COL21A1: variants seen among roughly 807,000 people sequenced by gnomAD.
COL21A1 encodes the protein collagen type XXI alpha 1 chain.
A neutral mutation model predicts 137.9 loss-of-function variants in COL21A1; 149 were observed. The ratio of observed to expected loss-of-function variants is 1.08; its 90% confidence interval spans 0.95 to 1.24. The LOEUF (loss-of-function observed/expected upper bound fraction) is 1.24. Among genes scored for constraint, COL21A1 ranks in the 50% most tolerant of loss-of-function variants. COL21A1 has a pLI of 0.00. For missense variants in COL21A1, 1,167 were observed against 1,158.4 expected (o/e 1.01, Z -0.11); for synonymous variants, 456 against 391.5 (o/e 1.16, Z -1.95).
At chr6:56,241,211 C>G (rs1221200116) in intron 1 of COL21A1, among the ~76,000 whole-genome samples, 1 of 152,206 alleles carries the variant, frequency 6.6e-6, no homozygotes, top group Non-Finnish European at 1.5e-5. Flanking sequence ...CTGGTGCCCT[C>G]AGGACTGGTA....
chr6:56,262,165 T>C (rs536328905), intron 1 of COL21A1, among the ~76,000 whole-genome samples: 5 of 152,314 alleles, frequency 3.3e-5, no homozygotes, highest in African/African-American at 1.2e-4. Context: ...ATAGTCACCA[T>C]AAATGTGTCC....
At chr6:56,145,734 C>T (rs928016392) in intron 10 of COL21A1, among the ~76,000 whole-genome samples, 1 of 152,054 alleles carries the variant, frequency 6.6e-6, no homozygotes, top group Non-Finnish European at 1.5e-5. Context: ...TACTGTTCAA[C>T]ATGAATTTTG....
intron 10 of COL21A1, among the ~76,000 whole-genome samples, chr6:56,150,514 T>TCTCACACACACACACA (rs1186958042): frequency 2.2e-5 from 1 of 46,186 alleles, no homozygotes; most frequent in African/African-American, 2.7e-4. Context: ...CGAGACTCCA[T>TCTCACACACACACACA]CACACACACA....
At chr6:56,118,300 G>A (rs1265984587) in intron 16 of COL21A1, among the ~76,000 whole-genome samples, 2 of 151,698 alleles carry the variant, frequency 1.3e-5, no homozygotes, top group African/African-American at 4.8e-5. Context: ...GCTACTATGA[G>A]CAACTATATG....
At chr6:56,340,056 GA>G (rs5876502) in intron 1 of COL21A1, among the ~76,000 whole-genome samples, 100,446 of 151,810 alleles carry the variant, frequency 0.66, 33,428 homozygotes, top group South Asian at 0.81. Flanking sequence ...CCCCAGAGAG[GA>G]AAAAAAACGC....
rs141873599 is a variant in COL21A1, at chr6:56,203,604, G to A, written c.-38-20948C>T. Among the ~76,000 whole-genome samples the A allele has an allele frequency of 1.1e-4, 16 of 152,328 alleles. No homozygotes were observed. The East Asian group carries it at 1.4e-3, about 13-fold the overall frequency. On this transcript the variant is annotated intron_variant, in intron 1 of 29. Transcript: ENST00000244728. ...CAAAATCTACTGGGATTAGATCAACGGGACCCAAGAGCCAATTTGAAAGGC... is the reference window on the plus strand; with the variant it reads ...CAAAATCTACTGGGATTAGATCAACAGGACCCAAGAGCCAATTTGAAAGGC...
At chr6:56,182,677 AG>A (rs1275485060) in intron 1 of COL21A1, 21 bp from the exon 2 acceptor site, 2 of 1,058,940 alleles carry the variant, frequency 1.9e-6, no homozygotes, top group Admixed American at 2.2e-5. Flanking sequence ...AAAAAAGGCA[AG>A]TTAAATATAT....
intron 17 of COL21A1, among the ~76,000 whole-genome samples, chr6:56,078,608 T>C (rs1767447950): frequency 6.6e-6 from 1 of 151,662 alleles, no homozygotes; most frequent in African/African-American, 2.4e-5. Flanking sequence ...TGCCATTATC[T>C]TTATTTTCAC....
intron 7 of COL21A1, among the ~76,000 whole-genome samples, chr6:56,165,105 A>T (rs1776474344): frequency 6.6e-6 from 1 of 152,172 alleles, no homozygotes; most frequent in African/African-American, 2.4e-5. Flanking sequence ...ATGCAAGATT[A>T]AAAAATACCT....
At chr6:56,080,997 T>C (rs551480564) in intron 17 of COL21A1, among the ~76,000 whole-genome samples, 10 of 151,958 alleles carry the variant, frequency 6.6e-5, no homozygotes, top group Admixed American at 5.9e-4. Context: ...TTATTTAAAC[T>C]GTAAAATCTC....
intron 1 of COL21A1, among the ~76,000 whole-genome samples, chr6:56,285,342 C>T (rs1187970264): frequency 6.6e-6 from 1 of 152,116 alleles, no homozygotes; most frequent in African/African-American, 2.4e-5. Flanking sequence ...AATCAGTTAG[C>T]AAATGTGATA....
chr6:56,278,417 C>A (rs750634852), intron 1 of COL21A1, among the ~76,000 whole-genome samples: 2 of 152,008 alleles, frequency 1.3e-5, no homozygotes, highest in Non-Finnish European at 2.9e-5. Flanking sequence ...TTTGTATAAG[C>A]GCTTCATTCT....
intron 1 of COL21A1, among the ~76,000 whole-genome samples, chr6:56,285,057 G>A (rs9475651): frequency 0.28 from 42,172 of 152,066 alleles, 6,657 homozygotes; most frequent in Non-Finnish European, 0.36. Flanking sequence ...TGATTTTGGT[G>A]TTTATGTCCC....
intron 1 of COL21A1, among the ~76,000 whole-genome samples, chr6:56,199,691 C>T (rs1236188897): frequency 6.6e-6 from 1 of 152,080 alleles, no homozygotes; most frequent in Non-Finnish European, 1.5e-5. Context: ...GAGAATAAGG[C>T]CTGATTGGGT....
Position 56,170,740 on chromosome 6 carries a change from G to A in COL21A1, c.935C>T (p.Thr312Ile). 6.2e-7 allele frequency: 1 copy of A among 1,608,182 alleles called. No homozygotes were observed. Among genetic ancestry groups the A allele is most frequent in the South Asian group, 1.1e-5 (1 of 90,364 alleles). ...TIDGRPQIAVTLNGVDKILLF... is the reference protein window; with the variant it reads ...TIDGRPQIAVILNGVDKILLF... Reference sequence around the variant, plus strand: ...TAAGATTTTGTCCACACCATTTAAGGTAACTGCTATTTGTGGCCTTCCATC... The same window carrying A: ...TAAGATTTTGTCCACACCATTTAAGATAACTGCTATTTGTGGCCTTCCATC... Residue 312 changes from threonine (T) to isoleucine (I), a missense_variant, in exon 5 of 30, where the codon ACC (threonine) becomes ATC (isoleucine). Physicochemically the swap from Thr to Ile is moderately conservative, Grantham distance 89. Transcript: ENST00000244728.
intron 24 of COL21A1, 81 bp from the exon 25 acceptor site, chr6:56,061,762 T>A: frequency 1.1e-6 from 1 of 876,260 alleles, no homozygotes; most frequent in Non-Finnish European, 1.7e-6. Flanking sequence ...ACCACATACT[T>A]AATTAAATTT....
intron 1 of COL21A1, among the ~76,000 whole-genome samples, chr6:56,350,800 G>A (rs1236152297): frequency 1.3e-5 from 2 of 152,200 alleles, no homozygotes; most frequent in Non-Finnish European, 2.9e-5. Context: ...ACAGCACAGA[G>A]CCAAGTTACA....
chr6:56,266,283 G>C (rs1763388776), intron 1 of COL21A1, among the ~76,000 whole-genome samples: 1 of 152,168 alleles, frequency 6.6e-6, no homozygotes, highest in South Asian at 2.1e-4. Flanking sequence ...TAAAAGTACT[G>C]AACGTTCTAG....
chr6:56,176,442 G>A (rs1463705666), intron 3 of COL21A1, among the ~76,000 whole-genome samples: 1 of 151,266 alleles, frequency 6.6e-6, no homozygotes, highest in Non-Finnish European at 1.5e-5. Flanking sequence ...ACTGATTAAG[G>A]AATTTTATTG....
Sources: gnomAD v4.1 joint callset for allele counts (sites outside exome capture counted in the v4.1 genomes callset) on GRCh38, gnomAD v4.1.1 for gene constraint, MANE v1.5 for transcripts, NCBI Gene and HGNC (gene_info 2026-07-23, HGNC 2026-07-21) for gene names.